The following NAALADL2 variants were observed in gnomAD, a reference collection of about 807,000 sequenced individuals.
NAALADL2 encodes the protein N-acetylated alpha-linked acidic dipeptidase like 2.
A neutral mutation model predicts 87.2 loss-of-function variants in NAALADL2; 76 were observed. That is an observed-to-expected ratio of 0.87 (90% CI 0.72 to 1.05). The LOEUF (loss-of-function observed/expected upper bound fraction) is 1.05. Among genes scored for constraint, NAALADL2 ranks in the 50% least tolerant of loss-of-function variants. NAALADL2 has a pLI of 0.00. For synonymous variants in NAALADL2, 354 were observed against 331.0 expected (o/e 1.07, Z -0.75); for missense variants, 1,089 against 945.8 (o/e 1.15, Z -1.99).
chr3:175,268,358 A>G (rs1752288310), intron 4 of NAALADL2, among the ~76,000 whole-genome samples: 1 of 152,156 alleles, frequency 6.6e-6, no homozygotes, highest in African/African-American at 2.4e-5. Context: ...GTATACCTGT[A>G]TAGGGCACTT....
At chr3:174,720,217 T>G (rs1269159049) in intron 2 of NAALADL2, among the ~76,000 whole-genome samples, 1 of 152,198 alleles carries the variant, frequency 6.6e-6, no homozygotes, top group African/African-American at 2.4e-5. Flanking sequence ...GAAACTTTTA[T>G]TAAAGTAACT....
At chr3:174,672,434 T>C (rs1209078134) in intron 2 of NAALADL2, among the ~76,000 whole-genome samples, 1 of 148,378 alleles carries the variant, frequency 6.7e-6, no homozygotes, top group Non-Finnish European at 1.5e-5. Context: ...TATTCTATCA[T>C]ATGGAAATAG....
chr3:174,894,668 T>A (rs1291002020), intron 1 of NAALADL2, among the ~76,000 whole-genome samples: 3 of 132,820 alleles, frequency 2.3e-5, no homozygotes, highest in African/African-American at 8.8e-5. Context: ...TCAGGTGTAA[T>A]CTGCAGTATA....
intron 4 of NAALADL2, among the ~76,000 whole-genome samples, chr3:175,265,416 G>C (rs1444202406): frequency 6.6e-6 from 1 of 151,578 alleles, no homozygotes; most frequent in Non-Finnish European, 1.5e-5. Context: ...TACCAATAGA[G>C]TTTTAAAAGA....
intron 1 of NAALADL2, among the ~76,000 whole-genome samples, chr3:174,962,218 A>G (rs1479736527): frequency 2.0e-5 from 3 of 151,670 alleles, no homozygotes; most frequent in African/African-American, 7.3e-5. Flanking sequence ...GCCTCAGCCA[A>G]TAGGCTGACT....
At chr3:174,554,064 G>A (rs1023547407) in intron 2 of NAALADL2, among the ~76,000 whole-genome samples, 3 of 151,734 alleles carry the variant, frequency 2.0e-5, no homozygotes, top group African/African-American at 7.3e-5. Flanking sequence ...TTATACAATC[G>A]GATGTGACTA....
chr3:175,393,124 A>T (rs1769273381), intron 5 of NAALADL2, among the ~76,000 whole-genome samples: 1 of 150,778 alleles, frequency 6.6e-6, no homozygotes, highest in Admixed American at 6.6e-5. Context: ...AATACAAAAA[A>T]TTAGCCGGGC....
chr3:175,639,868 C>T (rs1203594780), intron 11 of NAALADL2, among the ~76,000 whole-genome samples: 4 of 152,114 alleles, frequency 2.6e-5, no homozygotes, highest in African/African-American at 9.7e-5. Flanking sequence ...TTCATTGTAT[C>T]TGCTTGTAGA....
chr3:174,825,432 C>G (rs1230639837), intron 3 of NAALADL2, among the ~76,000 whole-genome samples: 1 of 152,130 alleles, frequency 6.6e-6, no homozygotes, highest in African/African-American at 2.4e-5. Flanking sequence ...GAGAATTTGC[C>G]CTTTCTCTGC....
At chr3:174,985,743 G>A (rs538221435) in intron 1 of NAALADL2, among the ~76,000 whole-genome samples, 24 of 152,018 alleles carry the variant, frequency 1.6e-4, no homozygotes, top group African/African-American at 4.3e-4. Flanking sequence ...ACCTGAGGTC[G>A]GGAGTTCGAG....
chr3:175,638,590 T>C (rs1728858103), intron 11 of NAALADL2, among the ~76,000 whole-genome samples: 2 of 152,202 alleles, frequency 1.3e-5, no homozygotes, highest in Admixed American at 6.5e-5. Flanking sequence ...ATTCTCTCAA[T>C]TGGCAACATG....
chr3:174,965,650 T>A (rs969347520), intron 1 of NAALADL2, among the ~76,000 whole-genome samples: 1 of 151,842 alleles, frequency 6.6e-6, no homozygotes, highest in Admixed American at 6.6e-5. Context: ...AAAAACAACA[T>A]GAAGAAGAGA....
chr3:174,567,294 A>G (rs1040967819), intron 2 of NAALADL2, among the ~76,000 whole-genome samples: 1 of 151,684 alleles, frequency 6.6e-6, no homozygotes, highest in Non-Finnish European at 1.5e-5. Context: ...AATAGTTCAT[A>G]TCTTTAAAAT....
At chr3:174,542,043 G>T (rs1560042684) in intron 1 of NAALADL2, among the ~76,000 whole-genome samples, 1 of 152,158 alleles carries the variant, frequency 6.6e-6, no homozygotes, top group Admixed American at 6.5e-5. Flanking sequence ...TTAATTCTGT[G>T]CAAATTAAGG....
intron 3 of NAALADL2, among the ~76,000 whole-genome samples, chr3:174,793,022 T>A (rs764553181): frequency 1.3e-5 from 2 of 152,168 alleles, no homozygotes; most frequent in Non-Finnish European, 2.9e-5. Flanking sequence ...GTCATAAGCA[T>A]TGAAATATGA....
At chr3:174,997,030 GTGTGTGTGTA>G (rs1293995478) in intron 1 of NAALADL2, among the ~76,000 whole-genome samples, 3 of 110,786 alleles carry the variant, frequency 2.7e-5, no homozygotes, top group South Asian at 3.3e-4. Context: ...GTGTGTGTGT[GTGTGTGTGTA>G]TGTGTATATA....
intron 2 of NAALADL2, among the ~76,000 whole-genome samples, chr3:174,726,639 TCTTCTCTGAG>T (rs1732219685): frequency 6.6e-6 from 1 of 152,106 alleles, no homozygotes; most frequent in South Asian, 2.1e-4. Context: ...ATTAAATCTG[TCTTCTCTGAG>T]CTTCTGTGAC....
intron 13 of NAALADL2, among the ~76,000 whole-genome samples, chr3:175,795,646 G>C (rs1753374695): frequency 6.6e-6 from 1 of 151,744 alleles, no homozygotes; most frequent in Non-Finnish European, 1.5e-5. Flanking sequence ...TTGTGCCACT[G>C]CACTCCAGCC....
At chr3:175,441,671 TCACACACACACACACA>T (rs57990259) in intron 5 of NAALADL2, among the ~76,000 whole-genome samples, 3 of 148,644 alleles carry the variant, frequency 2.0e-5, no homozygotes, top group Admixed American at 1.3e-4. Context: ...GATCTCATGT[TCACACACACACACACA>T]CACACACACA....
Sources: gnomAD v4.1 joint callset for allele counts (sites outside exome capture counted in the v4.1 genomes callset) on GRCh38, gnomAD v4.1.1 for gene constraint, MANE v1.5 for transcripts, NCBI Gene and HGNC (gene_info 2026-07-23, HGNC 2026-07-21) for gene names.